The following GPC5 variants were observed in gnomAD, a reference collection of about 807,000 sequenced individuals.
GPC5 encodes the protein glypican-5.
Under a neutral mutation model 53.9 loss-of-function variants are expected in GPC5, and 47 were observed. The observed-to-expected ratio is 0.87, with a 90% confidence interval of 0.69 to 1.11. GPC5 has a LOEUF of 1.11. Ranked by LOEUF, GPC5 falls within the 50% of genes most tolerant of loss-of-function variation. The pLI, the probability that GPC5 is intolerant of heterozygous loss-of-function variation, is 0.00. For missense variants in GPC5, 748 were observed against 713.1 expected, an observed-to-expected ratio of 1.05 and a Z score of -0.56; for synonymous variants, 286 against 263.3, an observed-to-expected ratio of 1.09 and a Z score of -0.84.
chr13:92,248,136 C>T (rs2042666359), intron 7 of GPC5, among the ~76,000 whole-genome samples: 1 of 151,714 alleles, frequency 6.6e-6, no homozygotes, highest in African/African-American at 2.4e-5. Context: ...TGAGGGAGAT[C>T]TGTAGATGAA....
intron 7 of GPC5, among the ~76,000 whole-genome samples, chr13:92,782,487 G>T (rs1876064268): frequency 6.6e-6 from 1 of 152,116 alleles, no homozygotes; most frequent in Non-Finnish European, 1.5e-5. Context: ...GAGTCACTGA[G>T]ATTTATACTG....
chr13:92,830,241 C>T (rs1566436216), intron 7 of GPC5, among the ~76,000 whole-genome samples: 1 of 151,876 alleles, frequency 6.6e-6, no homozygotes, highest in African/African-American at 2.4e-5. Context: ...TGTTTTGTGC[C>T]TAAGTTAAGA....
intron 7 of GPC5, among the ~76,000 whole-genome samples, chr13:92,412,493 ATTTAT>A (rs1410577254): frequency 6.6e-6 from 1 of 152,160 alleles, no homozygotes; most frequent in African/African-American, 2.4e-5. Flanking sequence ...GTGAGCCAAG[ATTTAT>A]TTTATTTAAC....
chr13:91,711,745 T>C (rs2036230917), intron 3 of GPC5, among the ~76,000 whole-genome samples: 1 of 152,220 alleles, frequency 6.6e-6, no homozygotes, highest in African/African-American at 2.4e-5. Flanking sequence ...AGAAAAATGC[T>C]ACTCTGAGGT....
intron 7 of GPC5, among the ~76,000 whole-genome samples, chr13:92,148,849 G>A (rs191453014): frequency 6.6e-4 from 100 of 152,034 alleles, no homozygotes; most frequent in Admixed American, 4.6e-3. Context: ...ATACTTCTTA[G>A]GTCTCTAAAT....
intron 7 of GPC5, among the ~76,000 whole-genome samples, chr13:92,409,150 A>T (rs1875934375): frequency 1.3e-5 from 2 of 152,024 alleles, no homozygotes; most frequent in Non-Finnish European, 2.9e-5. Flanking sequence ...AAATATATTT[A>T]AAAATAAATA....
At chr13:91,841,302 A>G (rs1349201476) in intron 5 of GPC5, among the ~76,000 whole-genome samples, 20 of 150,896 alleles carry the variant, frequency 1.3e-4, no homozygotes, top group Non-Finnish European at 2.5e-4. Context: ...TTGAATGGAA[A>G]GAGAATCTGA....
intron 7 of GPC5, among the ~76,000 whole-genome samples, chr13:92,289,240 T>C (rs1027038705): frequency 2.0e-5 from 3 of 152,152 alleles, no homozygotes; most frequent in Admixed American, 2.0e-4. Flanking sequence ...ATGGCATTAA[T>C]TTTAGAATGT....
At chr13:92,406,734 A>G (rs546769294) in intron 7 of GPC5, among the ~76,000 whole-genome samples, 38 of 152,306 alleles carry the variant, frequency 2.5e-4, no homozygotes, top group African/African-American at 8.7e-4. Flanking sequence ...AAGTATCTCA[A>G]TAATTCTCAC....
At chr13:92,108,424 T>G (rs2041527012) in intron 6 of GPC5, among the ~76,000 whole-genome samples, 1 of 152,170 alleles carries the variant, frequency 6.6e-6, no homozygotes, top group African/African-American at 2.4e-5. Flanking sequence ...TGCGAAATCA[T>G]TAGGCTCATT....
At position 92,403,442 on chromosome 13, in the gene GPC5, G is replaced by A. The variant is rs112522019; in HGVS notation, c.1561+258453G>A. 2.7e-3 allele frequency among the ~76,000 whole-genome samples: 410 copies of A among 152,190 alleles called. 2 individuals carry two copies. The highest frequency in any genetic ancestry group is 5.5e-3 in the Admixed American group (84 of 15,290). On this transcript the variant is annotated intron_variant, in intron 7 of 7. Transcript: ENST00000377067. The stretch of plus-strand genomic sequence containing the variant: ...CAGCCAGCATTACCACCTGAGCTCC[G>A]CCTCCTGTCAGATTAGCAGTGGCAT...
At chr13:92,856,680 A>C (rs1879010580) in intron 7 of GPC5, among the ~76,000 whole-genome samples, 1 of 152,138 alleles carries the variant, frequency 6.6e-6, no homozygotes, top group Admixed American at 6.6e-5. Flanking sequence ...TTATTACTAT[A>C]TACTAATAAC....
intron 1 of GPC5, among the ~76,000 whole-genome samples, chr13:91,433,590 C>A (rs1336576910): frequency 1.3e-5 from 2 of 152,076 alleles, no homozygotes; most frequent in Non-Finnish European, 2.9e-5. Flanking sequence ...TTTCTTAATC[C>A]AGTCTATCAA....
At chr13:92,282,291 G>A (rs549649683) in intron 7 of GPC5, among the ~76,000 whole-genome samples, 11 of 152,148 alleles carry the variant, frequency 7.2e-5, no homozygotes, top group African/African-American at 2.4e-4. Flanking sequence ...TGAAAGTGAC[G>A]GGGAGAATGG....
chr13:91,719,605 G>GATCT (rs1488616696), intron 3 of GPC5, among the ~76,000 whole-genome samples: 1 of 152,076 alleles, frequency 6.6e-6, no homozygotes, highest in Non-Finnish European at 1.5e-5. Flanking sequence ...TCACAAAATA[G>GATCT]ATCTATGGTT....
intron 2 of GPC5, among the ~76,000 whole-genome samples, chr13:91,683,531 G>T (rs942598437): frequency 7.8e-4 from 118 of 152,168 alleles, no homozygotes; most frequent in Admixed American, 7.6e-3. Context: ...TTGCCTGCCG[G>T]AAGAGTCACT....
intron 4 of GPC5, among the ~76,000 whole-genome samples, chr13:91,751,829 T>A (rs1186705991): frequency 1.3e-5 from 2 of 152,260 alleles, no homozygotes; most frequent in African/African-American, 4.8e-5. Flanking sequence ...TCTCTACTTA[T>A]GGTTTCCCAT....
intron 7 of GPC5, among the ~76,000 whole-genome samples, chr13:92,262,619 TA>T (rs2042774719): frequency 6.6e-6 from 1 of 152,192 alleles, no homozygotes; most frequent in Admixed American, 6.6e-5. Flanking sequence ...TAGCTACCAA[TA>T]AATTACAGCC....
chr13:92,357,606 A>T (rs1186081035), intron 7 of GPC5, among the ~76,000 whole-genome samples: 1 of 151,704 alleles, frequency 6.6e-6, no homozygotes, highest in Non-Finnish European at 1.5e-5. Flanking sequence ...ATTTATAAAG[A>T]AAAGAGACTT....
Sources: allele counts gnomAD v4.1 joint callset (sites outside exome capture counted in the v4.1 genomes callset), GRCh38; gene constraint gnomAD v4.1.1; transcripts MANE v1.5; gene names NCBI Gene and HGNC (gene_info 2026-07-23, HGNC 2026-07-21).